DAND5: variants seen among roughly 807,000 people sequenced by gnomAD.
DAND5 encodes DAN domain BMP antagonist family member 5.
In DAND5, 8 loss-of-function variants were observed where a neutral mutation model predicts 9.2. The observed-to-expected ratio is 0.87, with a 90% confidence interval of 0.51 to 1.56. DAND5 has a LOEUF of 1.56. DAND5 is among the 40% of genes most tolerant of loss of function. The pLI, the probability that DAND5 is intolerant of heterozygous loss-of-function variation, is 0.00. For synonymous variants in DAND5, 95 were observed against 101.1 expected (o/e 0.94, Z 0.36); for missense variants, 244 against 244.7 (o/e 1.00, Z 0.02).
rs778779985 is a variant in DAND5 at position 12,973,884 on chromosome 19, A to G, written c.*250A>G. On this transcript the variant is annotated 3_prime_UTR_variant, in exon 2 of 2. Coordinates refer to ENST00000317060, the MANE Select transcript of DAND5 (RefSeq NM_152654.3). ...CTCACTTTTTTTTTTTTTTTTTGAGATGGAGTCTCGCTCTGTCGCCCAGGC... is the reference window on the plus strand; with the variant it reads ...CTCACTTTTTTTTTTTTTTTTTGAGGTGGAGTCTCGCTCTGTCGCCCAGGC... 3.7e-4 allele frequency: 162 copies of G among 433,780 alleles called. 2 individuals are homozygous for G. The highest frequency in any genetic ancestry group is 1.4e-3 in the South Asian group (52 of 37,864). 26.9% of individuals were successfully genotyped at this position (433,780 alleles called of 1,614,324 possible). A position where few individuals can be genotyped will look rare whatever the true frequency, so the allele number is the denominator to read the frequency against.
Position 12,973,664 on chromosome 19 carries a change from C to T in DAND5, c.*30C>T, listed in dbSNP as rs1481284629. ...AGCATCGTGGATGGGTGCACGGAGA[C>T]ACGCACCTTGGAGAAATGAGGGGAG... On this transcript the variant is annotated 3_prime_UTR_variant, in exon 2 of 2. Transcript: ENST00000317060. The T allele has an allele frequency of 2.5e-6, 4 of 1,601,128 alleles. No individual in the cohort carries two copies. Among genetic ancestry groups the T allele is most frequent in the South Asian group, 2.2e-5 (2 of 88,896 alleles).
chr19:12,972,946 T>TCCG (rs1429033396), intron 1 of DAND5, among the ~76,000 whole-genome samples: 1 of 144,042 alleles, frequency 6.9e-6, no homozygotes, highest in Admixed American at 7.5e-5. Context: ...CACTACAAGC[T>TCCG]CCGCCTCCTG....
chr19:12,970,851 T>G (rs1323081637), intron 1 of DAND5, among the ~76,000 whole-genome samples: 1 of 152,092 alleles, frequency 6.6e-6, no homozygotes, highest in Non-Finnish European at 1.5e-5. Context: ...CGGCTAAATT[T>G]TGTACTTTTT....
rs376183812 is a variant in DAND5, at chr19:12,969,651, G to C, written c.-10G>C. On this transcript the variant is annotated 5_prime_UTR_variant, in exon 1 of 2. Coordinates refer to ENST00000317060, the MANE Select transcript of DAND5 (RefSeq NM_152654.3). ...CAGACAGACAGGCAGACAGACGCAC[G>C]GACAAGCAGATGCTCCTTGGCCAGC... is the stretch of plus-strand genomic sequence containing the variant. 6.3e-7 allele frequency: 1 copy of C among 1,591,220 alleles called. No individual in the cohort carries two copies. The highest frequency in any genetic ancestry group is 1.3e-5 in the African/African-American group (1 of 74,306).
chr19:12,970,260 C>T (rs1177364217), intron 1 of DAND5, among the ~76,000 whole-genome samples: 2 of 151,982 alleles, frequency 1.3e-5, no homozygotes, highest in African/African-American at 4.8e-5. Flanking sequence ...CCCCCTCCCC[C>T]TAGAACCTTG....
chr19:12,973,079 G>A (rs567122033), intron 1 of DAND5, among the ~76,000 whole-genome samples: 16 of 150,608 alleles, frequency 1.1e-4, no homozygotes, highest in African/African-American at 2.9e-4. Flanking sequence ...GGCCAGGATG[G>A]TCTCGATCTG....
At chr19:12,972,866 T>TC (rs1176852379) in intron 1 of DAND5, among the ~76,000 whole-genome samples, 3 of 145,206 alleles carry the variant, frequency 2.1e-5, no homozygotes, top group African/African-American at 7.5e-5. Context: ...CTTTTCTTTT[T>TC]TTTTTTTTTT....
intron 1 of DAND5, among the ~76,000 whole-genome samples, chr19:12,972,640 A>G (rs1202153021): frequency 6.6e-6 from 1 of 151,554 alleles, no homozygotes; most frequent in Non-Finnish European, 1.5e-5. Flanking sequence ...TCCCAGGTTC[A>G]AGCAATTCTT....
intron 1 of DAND5, among the ~76,000 whole-genome samples, chr19:12,972,631 C>T (rs548950001): frequency 6.6e-6 from 1 of 151,914 alleles, no homozygotes; most frequent in Non-Finnish European, 1.5e-5. Flanking sequence ...ACCTTCACCT[C>T]CCAGGTTCAA....
At chr19:12,970,817 A>T (rs1055600170) in intron 1 of DAND5, among the ~76,000 whole-genome samples, 8 of 151,908 alleles carry the variant, frequency 5.3e-5, no homozygotes, top group Non-Finnish European at 2.9e-5. Flanking sequence ...AGTAATTGAG[A>T]TTACAGATGT....
At chr19:12,972,349 G>A (rs1296154553) in intron 1 of DAND5, among the ~76,000 whole-genome samples, 16 of 151,392 alleles carry the variant, frequency 1.1e-4, no homozygotes, top group Non-Finnish European at 1.6e-4. Context: ...ATGAGCCACC[G>A]TGCCTGGCTA....
intron 1 of DAND5, chr19:12,970,576 T>TTTTC (rs774237927): frequency 4.5e-5 from 22 of 492,220 alleles, no homozygotes; most frequent in Non-Finnish European, 5.8e-5. Flanking sequence ...ACTTTCTTTC[T>TTTTC]TTTCTTTCTT....
Position 12,969,647 on chromosome 19 carries a change from G to A in DAND5, c.-14G>A, listed in dbSNP as rs574524356. The A allele has an allele frequency of 1.5e-5, 23 of 1,584,658 alleles. No individual in the cohort carries two copies. Among genetic ancestry groups the A allele is most frequent in the Middle Eastern group, 3.4e-4 (2 of 5,906 alleles). On this transcript the variant is annotated 5_prime_UTR_variant, in exon 1 of 2. Coordinates refer to ENST00000317060, the MANE Select transcript of DAND5 (RefSeq NM_152654.3). ...CGGACAGACAGACAGGCAGACAGAC[G>A]CACGGACAAGCAGATGCTCCTTGGC...
chr19:12,973,363 G>A, intron 1 of DAND5, 26 bp from the exon 2 acceptor site: 1 of 1,610,386 alleles, frequency 6.2e-7, no homozygotes, highest in African/African-American at 1.3e-5. Flanking sequence ...CCGCCACCCT[G>A]ACCGTCTCCA....
chr19:12,973,012 A>G (rs10406977), intron 1 of DAND5, among the ~76,000 whole-genome samples: 3,301 of 150,386 alleles, frequency 0.022, 82 homozygotes, highest in African/African-American at 0.068. Flanking sequence ...ACAGGCGCCC[A>G]CCACCACGCC....
At chr19:12,972,868 T>TC (rs1197995349) in intron 1 of DAND5, among the ~76,000 whole-genome samples, 1 of 144,488 alleles carries the variant, frequency 6.9e-6, no homozygotes, top group Admixed American at 6.9e-5. Flanking sequence ...TTTCTTTTTT[T>TC]TTTTTTTTTT....
chr19:12,969,809 C>CA lies in DAND5; in HGVS notation c.150dup (p.Leu51ThrfsTer52). ...GCTCTGGGCCCAGGGGCCCTGCCCC[C>CA]ACTGGTGCCAGCTTCTGCCCTTGGG... On this transcript the variant is annotated frameshift_variant, in exon 1 of 2. Transcript: ENST00000317060. LOFTEE classifies it high-confidence loss of function. The CA allele has an allele frequency of 6.2e-7, 1 of 1,604,404 alleles. No individual in the cohort carries two copies. Among genetic ancestry groups the CA allele is most frequent in the Non-Finnish European group, 8.5e-7 (1 of 1,175,444 alleles).
Position 12,969,596 on chromosome 19 carries a change from G to T in DAND5, c.-65G>T. 1 of 1,509,872 alleles carries T rather than the reference G, an allele frequency of 6.6e-7. No individual in the cohort carries two copies. Among genetic ancestry groups the T allele is most frequent in the Non-Finnish European group, 8.9e-7 (1 of 1,125,432 alleles). 93.5% of individuals were successfully genotyped at this position (1,509,872 alleles called of 1,614,324 possible). ...ATGCCACTCACCAGACAGCAGGGTCGACTGCTAGTGACCTTGAGCCCAGTC... is the reference window on the plus strand; with the variant it reads ...ATGCCACTCACCAGACAGCAGGGTCTACTGCTAGTGACCTTGAGCCCAGTC... On this transcript the variant is annotated 5_prime_UTR_variant, in exon 1 of 2. Transcript: ENST00000317060.
chr19:12,973,073 A>AG (rs1310079046), intron 1 of DAND5, among the ~76,000 whole-genome samples: 1 of 151,170 alleles, frequency 6.6e-6, no homozygotes, highest in Non-Finnish European at 1.5e-5. Flanking sequence ...CGTGTTGGCC[A>AG]GGATGGTCTC....
Sources: allele counts gnomAD v4.1 joint callset (sites outside exome capture counted in the v4.1 genomes callset), GRCh38; gene constraint gnomAD v4.1.1; transcripts MANE v1.5; gene names NCBI Gene and HGNC (gene_info 2026-07-23, HGNC 2026-07-21).